The following CSMD3 variants were observed in gnomAD, a reference collection of about 807,000 sequenced individuals.
CSMD3 encodes CUB and sushi domain-containing protein 3.
A neutral mutation model predicts 435.2 loss-of-function variants in CSMD3; 177 were observed. The ratio of observed to expected loss-of-function variants is 0.41; its 90% CI spans 0.36 to 0.46. The LOEUF (loss-of-function observed/expected upper bound fraction) is 0.46, where lower values mean the gene tolerates loss of function less well. Among genes scored for constraint, CSMD3 ranks in the 20% least tolerant of loss-of-function variants. The pLI, the probability that CSMD3 is intolerant of heterozygous loss-of-function variation, is 0.34. For missense variants in CSMD3, 4,265 were observed against 4,504.6 expected (o/e 0.95, Z 1.52); for synonymous variants, 1,656 against 1,520.5 (o/e 1.09, Z -2.07).
intron 24 of CSMD3, among the ~76,000 whole-genome samples, chr8:112,573,233 C>T (rs1829677741): frequency 1.3e-5 from 2 of 152,040 alleles, no homozygotes; most frequent in South Asian, 4.1e-4. Flanking sequence ...AATCCTGCTA[C>T]TTAAAACTAC....
intron 10 of CSMD3, among the ~76,000 whole-genome samples, chr8:112,887,753 T>C (rs2081651752): frequency 6.8e-6 from 1 of 146,602 alleles, no homozygotes; most frequent in Non-Finnish European, 1.5e-5. Context: ...AAAAAAAAAC[T>C]TGAATGATCC....
intron 38 of CSMD3, among the ~76,000 whole-genome samples, chr8:112,355,113 T>A (rs1427555288): frequency 6.6e-6 from 1 of 152,208 alleles, no homozygotes; most frequent in African/African-American, 2.4e-5. Context: ...AAGAACTCTA[T>A]TTAATAAATG....
intron 3 of CSMD3, among the ~76,000 whole-genome samples, chr8:113,264,156 G>C (rs1415386221): frequency 6.6e-6 from 1 of 151,162 alleles, no homozygotes; most frequent in South Asian, 2.1e-4. Flanking sequence ...ACTAAGTTTT[G>C]GGAAGGGGAA....
chr8:112,777,856 G>A (rs1252773158), intron 13 of CSMD3, among the ~76,000 whole-genome samples: 1 of 151,686 alleles, frequency 6.6e-6, no homozygotes, highest in Non-Finnish European at 1.5e-5. Flanking sequence ...GCTTACTGAT[G>A]CCCTGATACT....
intron 3 of CSMD3, among the ~76,000 whole-genome samples, chr8:113,178,944 G>T (rs1265985372): frequency 6.6e-6 from 1 of 151,782 alleles, no homozygotes; most frequent in African/African-American, 2.4e-5. Context: ...TGGTCGTGGG[G>T]TGCTATCTGC....
At chr8:112,515,178 T>C (rs1043997947) in intron 28 of CSMD3, among the ~76,000 whole-genome samples, 1 of 152,130 alleles carries the variant, frequency 6.6e-6, no homozygotes, top group Non-Finnish European at 1.5e-5. Flanking sequence ...AGAATTTTTG[T>C]ATAAGCCATT....
chr8:113,336,617 T>C (rs761383370), intron 1 of CSMD3, among the ~76,000 whole-genome samples: 1 of 152,102 alleles, frequency 6.6e-6, no homozygotes. Context: ...ATTACCTCAT[T>C]GCTGTCAGGT....
At chr8:112,443,909 G>C (rs1296129704) in intron 32 of CSMD3, among the ~76,000 whole-genome samples, 5 of 151,968 alleles carry the variant, frequency 3.3e-5, no homozygotes, top group Non-Finnish European at 7.4e-5. Flanking sequence ...TCATTATGTT[G>C]ACACATTTAA....
intron 11 of CSMD3, among the ~76,000 whole-genome samples, chr8:112,856,526 A>T (rs2080663877): frequency 6.6e-6 from 1 of 151,834 alleles, no homozygotes; most frequent in Admixed American, 6.6e-5. Flanking sequence ...CTTAAGGTGA[A>T]CTTACTTTAT....
intron 32 of CSMD3, among the ~76,000 whole-genome samples, chr8:112,466,443 G>C (rs141028086): frequency 7.1e-4 from 108 of 152,160 alleles, no homozygotes; most frequent in African/African-American, 2.6e-3. Context: ...AGAGTAAATG[G>C]TCAAATATAT....
At chr8:112,806,967 G>C (rs2079102879) in intron 12 of CSMD3, among the ~76,000 whole-genome samples, 1 of 152,198 alleles carries the variant, frequency 6.6e-6, no homozygotes, top group South Asian at 2.1e-4. Context: ...AAGGAATGCT[G>C]CACAATTGAT....
intron 66 of CSMD3, among the ~76,000 whole-genome samples, chr8:112,237,720 G>A (rs540636398): frequency 6.6e-6 from 1 of 152,140 alleles, no homozygotes; most frequent in African/African-American, 2.4e-5. Flanking sequence ...CTATACCCAA[G>A]TCCCAAGAGG....
chr8:112,522,442 T>C (rs1824394406), intron 27 of CSMD3, among the ~76,000 whole-genome samples: 1 of 151,884 alleles, frequency 6.6e-6, no homozygotes, highest in Admixed American at 6.6e-5. Context: ...AAAGAGTTCA[T>C]AGCATTCGTC....
chr8:112,972,407 C>T (rs1211608945), intron 7 of CSMD3, among the ~76,000 whole-genome samples: 1 of 151,606 alleles, frequency 6.6e-6, no homozygotes, highest in Non-Finnish European at 1.5e-5. Flanking sequence ...ATATTTTTGA[C>T]TTTATAGTTT....
At chr8:112,363,396 T>C (rs1827448034) in intron 38 of CSMD3, among the ~76,000 whole-genome samples, 1 of 151,938 alleles carries the variant, frequency 6.6e-6, no homozygotes. Context: ...ATCAAGAGAT[T>C]TCACATGTGT....
At chr8:112,643,873 G>A (rs1247607795) in intron 20 of CSMD3, among the ~76,000 whole-genome samples, 1 of 151,952 alleles carries the variant, frequency 6.6e-6, no homozygotes, top group Non-Finnish European at 1.5e-5. Flanking sequence ...AAATATATAT[G>A]TAATTTAATC....
In CSMD3 at chr8:113,291,900, A is replaced by G. The variant is rs188762009; in HGVS notation, c.402-13196T>C. Among the ~76,000 whole-genome samples the G allele has an allele frequency of 1.1e-4, 16 of 151,542 alleles. 1 individual carries two copies. The East Asian group carries it at 3.1e-3, about 29-fold the overall frequency. Reference sequence around the variant, plus strand: ...ACAATAAAAGTAACTTCCTTGATAGATTTTCATTTTTCAAGGTTCTACTTC... The same window carrying G: ...ACAATAAAAGTAACTTCCTTGATAGGTTTTCATTTTTCAAGGTTCTACTTC... On this transcript the variant is annotated intron_variant, in intron 2 of 70. Transcript: ENST00000297405.
chr8:112,689,739 A>T, intron 14 of CSMD3, 129 bp downstream of exon 14: 1 of 711,370 alleles, frequency 1.4e-6, no homozygotes, highest in Non-Finnish European at 2.4e-6. Flanking sequence ...TGTTAAAGAT[A>T]GCATCACAAA....
intron 32 of CSMD3, among the ~76,000 whole-genome samples, chr8:112,422,396 G>T (rs1812618608): frequency 6.6e-6 from 1 of 152,120 alleles, no homozygotes; most frequent in South Asian, 2.1e-4. Context: ...CAGACTTTTA[G>T]TACTTTCAGG....
Sources: gnomAD v4.1 joint callset for allele counts (sites outside exome capture counted in the v4.1 genomes callset) on GRCh38, gnomAD v4.1.1 for gene constraint, MANE v1.5 for transcripts, NCBI Gene and HGNC (gene_info 2026-07-23, HGNC 2026-07-21) for gene names.